The following PRAM1 variants were observed in gnomAD, a reference collection of about 807,000 sequenced individuals.
PRAM1 encodes the protein PML-RARA regulated adaptor molecule 1, also known as PML-RARA-regulated adapter molecule 1.
Under a neutral mutation model 55.3 loss-of-function variants are expected in PRAM1, and 41 were observed. That is an observed-to-expected ratio of 0.74 (90% CI 0.58 to 0.96). The LOEUF (loss-of-function observed/expected upper bound fraction) is 0.96, where lower values mean the gene tolerates loss of function less well. Among genes scored for constraint, PRAM1 ranks in the 40% least tolerant of loss-of-function variants. The pLI is 0.00. For synonymous variants in PRAM1, 401 were observed against 387.1 expected, an observed-to-expected ratio of 1.04 and a Z score of -0.42; for missense variants, 898 against 892.7, an observed-to-expected ratio of 1.01 and a Z score of -0.08.
At chr19:8,501,735 G>A (rs992925679) in intron 1 of PRAM1, among the ~76,000 whole-genome samples, 2 of 152,068 alleles carry the variant, frequency 1.3e-5, no homozygotes, top group Non-Finnish European at 2.9e-5. Flanking sequence ...ACGGCCATGC[G>A]GTCCCTCTCA....
At chr19:8,491,017 T>C (rs753314714) in intron 5 of PRAM1, 22 bp from the exon 6 acceptor site, 8 of 1,613,048 alleles carry the variant, frequency 5.0e-6, no homozygotes, top group South Asian at 1.1e-5. Context: ...CACCAAGGAA[T>C]TGTGTGCTCG....
At chr19:8,500,040 C>G (rs1179293970) in intron 1 of PRAM1, among the ~76,000 whole-genome samples, 7 of 151,964 alleles carry the variant, frequency 4.6e-5, no homozygotes, top group Non-Finnish European at 1.0e-4. Context: ...CCTGCAGCCT[C>G]CAGTCCCACT....
Position 8,490,087 on chromosome 19 carries a change from A to G in PRAM1, c.*102T>C, listed in dbSNP as rs1971586222. On this transcript the variant is annotated 3_prime_UTR_variant, in exon 10 of 10. Coordinates refer to ENST00000423345, the MANE Select transcript of PRAM1 (RefSeq NM_032152.5). The surrounding 1 kb of genome is among the most constrained non-coding windows in gnomAD (Gnocchi z 7.3). ...AAACTGGGGCTTTATGTGGCCAGGT[A>G]CAAGCCCAGGCAGCTCTGTGACTTT... The G allele has an allele frequency of 8.5e-7, 1 of 1,178,344 alleles. No homozygotes were observed. Among genetic ancestry groups the G allele is most frequent in the South Asian group, 1.6e-5 (1 of 63,370 alleles). The allele number at this position is 1,178,344 out of a possible 1,614,324, so 73.0% of individuals were successfully genotyped here. A position where few individuals can be genotyped will look rare whatever the true frequency, so the allele number is the denominator to read the frequency against.
At chr19:8,496,233 G>A in intron 4 of PRAM1, 1 of 383,642 alleles carries the variant, frequency 2.6e-6, no homozygotes, top group South Asian at 1.8e-5. Flanking sequence ...GGCCAATGTA[G>A]TGAAACCCCA....
At chr19:8,500,786 G>T (rs552589358) in intron 1 of PRAM1, among the ~76,000 whole-genome samples, 37 of 152,168 alleles carry the variant, frequency 2.4e-4, no homozygotes, top group African/African-American at 8.9e-4. Flanking sequence ...TATTTTTTGA[G>T]ATGGAGTCTT....
chr19:8,502,457 A>ACCC (rs138708138), intron 1 of PRAM1, 108 bp downstream of exon 1: 36 of 470,126 alleles, frequency 7.7e-5, no homozygotes, highest in South Asian at 1.4e-4. Flanking sequence ...TTTCGCAGCC[A>ACCC]CCCCCCGCCC....
chr19:8,494,414 C>A (rs1971669400), intron 4 of PRAM1, among the ~76,000 whole-genome samples: 1 of 152,186 alleles, frequency 6.6e-6, no homozygotes, highest in Non-Finnish European at 1.5e-5. Context: ...TGTGTGCTCA[C>A]AGGGAGGTGT....
Position 8,490,926 on chromosome 19 carries a change from C to G in PRAM1, c.1704G>C (p.Lys568Asn). 1 of 1,613,804 alleles carries G rather than the reference C, an allele frequency of 6.2e-7. No individual in the cohort carries two copies. Among genetic ancestry groups the G allele is most frequent in the Non-Finnish European group, 8.5e-7 (1 of 1,179,892 alleles). Reference protein sequence around the residue: ...MDPKLLKQLRKAEKAEREFRK... With the variant: ...MDPKLLKQLRNAEKAEREFRK... ...GGAACTCCCTCTCGGCCTTCTCTGC[C>G]TTCCTCAGCTGCTTCAGCAACTTTG... Residue 568 changes from lysine to asparagine, a missense_variant, in exon 6 of 10, where the codon AAG (lysine) becomes AAC (asparagine). Around this residue, in one of 4 missense-constraint regions of PRAM1, gnomAD observed 787 missense variants for 735.4 expected, o/e 1.07. Transcript: ENST00000423345. This position sits in a 1 kb window ranked among gnomAD's most constrained non-coding sequence, Gnocchi z 7.3.
In PRAM1 at chr19:8,490,746, T is replaced by G; in HGVS notation, c.1754A>C (p.Glu585Ala). 1 of 1,609,710 alleles carries G rather than the reference T, an allele frequency of 6.2e-7. No homozygotes were observed. Among genetic ancestry groups the G allele is most frequent in the Non-Finnish European group, 8.5e-7 (1 of 1,179,702 alleles). Reference sequence around the variant, plus strand: ...CATCATCTTCGTGTGAACCACGATCTCCCCTTCAAACTGGGGCGCGAGATG... The same window carrying G: ...CATCATCTTCGTGTGAACCACGATCGCCCCTTCAAACTGGGGCGCGAGATG... ...EFRKKFKFEG[E>A]IVVHTKMMID... Residue 585 changes from glutamate (E) to alanine (A), a missense_variant, in exon 7 of 10, where the codon GAG becomes GCG. Physicochemically the swap from Glu to Ala is moderately radical, Grantham distance 107. Around this residue, in one of 4 missense-constraint regions of PRAM1, gnomAD observed 787 missense variants for 735.4 expected, o/e 1.07. Transcript: ENST00000423345. This position sits in a 1 kb window ranked among gnomAD's most constrained non-coding sequence, Gnocchi z 7.3.
chr19:8,500,119 A>G (rs1434638024), intron 1 of PRAM1, among the ~76,000 whole-genome samples: 1 of 63,060 alleles, frequency 1.6e-5, no homozygotes, highest in Non-Finnish European at 2.9e-5. Context: ...CACCCCTCCC[A>G]CTGCATGTCT....
chr19:8,491,517 G>A, intron 4 of PRAM1: 1 of 355,962 alleles, frequency 2.8e-6, no homozygotes, highest in South Asian at 2.6e-5. Flanking sequence ...ACAGGCGTGA[G>A]CCACTGCGCC....
In PRAM1 at chr19:8,499,356, G is replaced by A. The variant is rs751379944; in HGVS notation, c.452C>T (p.Ala151Val). The change falls in exon 2 of 10, where the codon GCC (alanine) becomes GTC (valine). Residue 151 changes from alanine (A) to valine (V), a missense_variant. Physicochemically the swap from Ala to Val is moderately conservative, Grantham distance 64. Around this residue, in one of 4 missense-constraint regions of PRAM1, gnomAD observed 787 missense variants for 735.4 expected, o/e 1.07. Transcript: ENST00000423345. ...RKPLQPEVGE[A>V]PLKASLPEPG... ...CTCCGGCAGCGAGGCCTTCAAAGGG[G>A]CCTCACCGACCTCAGGCTGCAGGGG... 24 of 1,612,176 alleles carry A rather than the reference G, an allele frequency of 1.5e-5. No individual in the cohort carries two copies. The highest frequency in any genetic ancestry group is 1.7e-4 in the Middle Eastern group (1 of 5,796).
At position 8,499,303 on chromosome 19, in the gene PRAM1, G is replaced by A; in HGVS notation, c.505C>T (p.Gln169Ter). 2 of 1,610,356 alleles carry A rather than the reference G, an allele frequency of 1.2e-6. No homozygotes were observed. Among genetic ancestry groups the A allele is most frequent in the East Asian group, 2.2e-5 (1 of 44,824 alleles). The change falls in exon 2 of 10, where the codon CAG becomes TAG. Residue 169 changes from glutamine to a stop codon, truncating the protein, a stop_gained. Transcript: ENST00000423345. LOFTEE classifies it high-confidence loss of function. The part of the protein sequence containing the change: ...EPGAPARKPL[Q>*]PDELSHPARP... ...GCGGGGTGACTGAGTTCGTCGGGCT[G>A]CAGGGGTTTCCGGGCCGGCGCACCA...
rs370840586 is a variant in PRAM1, at chr19:8,490,795, G to A, written c.1744-39C>T. Reference sequence around the variant, plus strand: ...TGTTAGGGCCTCTGCTTGTGCTGCCGCCCTTGGGCCCCTGTCTTCTTTCTG... The same window carrying A: ...TGTTAGGGCCTCTGCTTGTGCTGCCACCCTTGGGCCCCTGTCTTCTTTCTG... On this transcript the variant is annotated intron_variant, in intron 6 of 9. Transcript: ENST00000423345. This position sits in a 1 kb window ranked among gnomAD's most constrained non-coding sequence, Gnocchi z 7.3. The A allele has an allele frequency of 2.4e-5, 38 of 1,606,174 alleles. No homozygotes were observed. The highest frequency in any genetic ancestry group is 4.5e-5 in the East Asian group (2 of 44,822).
chr19:8,498,586 G>T lies in PRAM1; in HGVS notation c.1222C>A (p.Pro408Thr). ...AGFSSRHPLS[P>T]GFGAAGTPRW... is the part of the protein sequence containing the mutation. ...GGTGTCCCAGCCGCTCCAAACCCAG[G>T]GCTGAGCGGGTGCCGGGAGCTGAAG... Residue 408 changes from proline (P) to threonine (T), a missense_variant, in exon 2 of 10, where the codon CCT becomes ACT. Pro to Thr is a conservative substitution (Grantham distance 38). Around this residue, in one of 4 missense-constraint regions of PRAM1, gnomAD observed 787 missense variants for 735.4 expected, o/e 1.07. Transcript: ENST00000423345. The T allele has an allele frequency of 6.2e-7, 1 of 1,612,644 alleles. No individual in the cohort carries two copies. The highest frequency in any genetic ancestry group is 8.5e-7 in the Non-Finnish European group (1 of 1,179,754).
chr19:8,500,255 G>A (rs1599884374), intron 1 of PRAM1, among the ~76,000 whole-genome samples: 1 of 144,132 alleles, frequency 6.9e-6, no homozygotes, highest in African/African-American at 2.6e-5. Flanking sequence ...TTACAGGCTT[G>A]AGCCGCCGCG....
chr19:8,501,477 A>G (rs141002711), intron 1 of PRAM1, among the ~76,000 whole-genome samples: 3,535 of 136,822 alleles, frequency 0.026, 61 homozygotes, highest in Non-Finnish European at 0.038. Flanking sequence ...TACGTATTAT[A>G]CTATTTTACA....
Position 8,490,065 on chromosome 19 carries a change from CTG to C in PRAM1, c.*122_*123del, listed in dbSNP as rs1285112865. ...GACAAGAAGCAGGGACTGCTTTAAA[CTG>C]GGGCTTTATGTGGCCAGGTACAAGC... On this transcript the variant is annotated 3_prime_UTR_variant, in exon 10 of 10. Coordinates refer to ENST00000423345, the MANE Select transcript of PRAM1 (RefSeq NM_032152.5). The surrounding 1 kb of genome is among the most constrained non-coding windows in gnomAD (Gnocchi z 7.3). 3.1e-6 allele frequency: 3 copies of C among 965,510 alleles called. No homozygotes were observed. Among genetic ancestry groups the C allele is most frequent in the Non-Finnish European group, 4.5e-6 (3 of 661,756 alleles). The allele number at this position is 965,510 out of a possible 1,614,324, so 59.8% of individuals were successfully genotyped here. A position where few individuals can be genotyped will look rare whatever the true frequency, so the allele number is the denominator to read the frequency against.
Position 8,497,844 on chromosome 19 carries a change from C to CG in PRAM1, c.1500-5dup, listed in dbSNP as rs1971720592. On this transcript the variant is annotated splice_polypyrimidine_tract_variant and splice_region_variant and intron_variant, in intron 3 of 9. Coordinates refer to ENST00000423345, the MANE Select transcript of PRAM1 (RefSeq NM_032152.5). The stretch of plus-strand genomic sequence containing the variant: ...CTCGTAGATCTCATCTGGGACCCTG[C>CG]GGGGATACCTGAGATGAGGCCTCTT... 1 of 1,075,898 alleles carries CG rather than the reference C, an allele frequency of 9.3e-7. No individual in the cohort carries two copies. Among genetic ancestry groups the CG allele is most frequent in the South Asian group, 1.3e-5 (1 of 77,016 alleles). 66.6% of individuals were successfully genotyped at this position (1,075,898 alleles called of 1,614,324 possible).
Sources: gnomAD v4.1 joint callset for allele counts (sites outside exome capture counted in the v4.1 genomes callset) on GRCh38, gnomAD v4.1.1 for gene constraint, gnomAD v4.1.1 regional missense constraint, Gnocchi (gnomAD v3.1) non-coding constraint, MANE v1.5 for transcripts, NCBI Gene and HGNC (gene_info 2026-07-23, HGNC 2026-07-21) for gene names.